CYYR1: variants seen among roughly 807,000 people sequenced by gnomAD.
CYYR1 encodes cysteine and tyrosine-rich protein 1.
Under a neutral mutation model 15.2 loss-of-function variants are expected in CYYR1, and 14 were observed. The ratio of observed to expected loss-of-function variants is 0.92; its 90% CI spans 0.61 to 1.44. CYYR1 has a LOEUF of 1.44. CYYR1 is among the 40% of genes most tolerant of loss of function. The pLI is 0.00. For missense variants in CYYR1, 228 were observed against 209.5 expected, an observed-to-expected ratio of 1.09 and a Z score of -0.54; for synonymous variants, 80 against 77.4, an observed-to-expected ratio of 1.03 and a Z score of -0.18.
chr21:26,488,991 T>A (rs1424711075), intron 2 of CYYR1, among the ~76,000 whole-genome samples: 1 of 152,160 alleles, frequency 6.6e-6, no homozygotes, highest in Non-Finnish European at 1.5e-5. Context: ...TCTTACCTAA[T>A]ACAATTCCTT....
intron 2 of CYYR1, among the ~76,000 whole-genome samples, chr21:26,536,809 C>G (rs1217419348): frequency 6.6e-6 from 1 of 152,158 alleles, no homozygotes; most frequent in African/African-American, 2.4e-5. Context: ...CATTCTCCCC[C>G]ACCAAGCGAC....
chr21:26,518,126 T>C (rs192308392), intron 2 of CYYR1, among the ~76,000 whole-genome samples: 5 of 152,310 alleles, frequency 3.3e-5, no homozygotes, highest in Non-Finnish European at 5.9e-5. Flanking sequence ...CCTGAGGATT[T>C]GGGAAGGCAA....
chr21:26,560,723 T>C (rs1980137221), intron 2 of CYYR1, among the ~76,000 whole-genome samples: 1 of 152,134 alleles, frequency 6.6e-6, no homozygotes, highest in African/African-American at 2.4e-5. Context: ...AATCTAAAGT[T>C]GGAATAAAAG....
At chr21:26,548,602 G>A (rs1320413766) in intron 2 of CYYR1, among the ~76,000 whole-genome samples, 1 of 152,166 alleles carries the variant, frequency 6.6e-6, no homozygotes, top group Non-Finnish European at 1.5e-5. Flanking sequence ...TCCCACCTCA[G>A]CATCCCAAAG....
At chr21:26,554,210 C>T (rs944617645) in intron 2 of CYYR1, among the ~76,000 whole-genome samples, 1 of 152,214 alleles carries the variant, frequency 6.6e-6, no homozygotes, top group Non-Finnish European at 1.5e-5. Flanking sequence ...CCAAAAGAGC[C>T]GGCAGTTAGA....
chr21:26,539,548 G>GCCA (rs1381924545), intron 2 of CYYR1, among the ~76,000 whole-genome samples: 1 of 152,174 alleles, frequency 6.6e-6, no homozygotes, highest in Non-Finnish European at 1.5e-5. Context: ...CCATACTGTA[G>GCCA]TTTTCATTCC....
At chr21:26,549,757 C>T (rs753583393) in intron 2 of CYYR1, among the ~76,000 whole-genome samples, 1 of 152,126 alleles carries the variant, frequency 6.6e-6, no homozygotes, top group Non-Finnish European at 1.5e-5. Context: ...TTTAGAATTA[C>T]AGTAAAGTCA....
chr21:26,506,258 C>T (rs222972), intron 2 of CYYR1, among the ~76,000 whole-genome samples: 44,396 of 151,992 alleles, frequency 0.29, 7,609 homozygotes, highest in African/African-American at 0.48. Flanking sequence ...TTCTAGGTCA[C>T]CACGCCTCTA....
intron 1 of CYYR1, among the ~76,000 whole-genome samples, chr21:26,570,291 G>A (rs1239929325): frequency 1.3e-5 from 2 of 152,124 alleles, no homozygotes; most frequent in African/African-American, 4.8e-5. Context: ...TCTGGAAGAA[G>A]GTTCCCCAAC....
At chr21:26,490,096 A>C (rs947057716) in intron 2 of CYYR1, among the ~76,000 whole-genome samples, 1 of 152,126 alleles carries the variant, frequency 6.6e-6, no homozygotes, top group African/African-American at 2.4e-5. Context: ...TTGAGCCAGG[A>C]GTTCAACACA....
At chr21:26,526,569 A>AATATGAT (rs1167417242) in intron 2 of CYYR1, among the ~76,000 whole-genome samples, 2 of 152,238 alleles carry the variant, frequency 1.3e-5, no homozygotes, top group Non-Finnish European at 2.9e-5. Flanking sequence ...CAACCATTTG[A>AATATGAT]ATTATTTTAT....
chr21:26,550,562 T>C (rs1440403302), intron 2 of CYYR1: 2 of 152,298 alleles, frequency 1.3e-5, no homozygotes, highest in African/African-American at 4.8e-5. Flanking sequence ...TTAAAAGTGC[T>C]GCTCCAGTGA....
At chr21:26,511,195 T>C (rs1005966838) in intron 2 of CYYR1, among the ~76,000 whole-genome samples, 2 of 152,216 alleles carry the variant, frequency 1.3e-5, no homozygotes, top group Non-Finnish European at 2.9e-5. Flanking sequence ...TCACCCATTA[T>C]TTTAGATTGG....
chr21:26,567,371 G>A (rs1338166507), intron 1 of CYYR1, among the ~76,000 whole-genome samples: 1 of 152,152 alleles, frequency 6.6e-6, no homozygotes, highest in African/African-American at 2.4e-5. Flanking sequence ...TGTGAAGGGG[G>A]AAGAGTTATT....
At chr21:26,487,709 C>T (rs991033488) in intron 2 of CYYR1, among the ~76,000 whole-genome samples, 5 of 151,842 alleles carry the variant, frequency 3.3e-5, no homozygotes, top group South Asian at 2.1e-4. Context: ...TTATATTAAT[C>T]GTAGGATCTC....
intron 3 of CYYR1, among the ~76,000 whole-genome samples, chr21:26,469,767 T>C (rs1480476652): frequency 6.6e-6 from 1 of 152,182 alleles, no homozygotes; most frequent in Non-Finnish European, 1.5e-5. Context: ...TTTCTCCCTA[T>C]CCATCCTTTT....
chr21:26,534,473 A>C (rs1368411245), intron 2 of CYYR1, among the ~76,000 whole-genome samples: 2 of 152,108 alleles, frequency 1.3e-5, no homozygotes, highest in African/African-American at 4.8e-5. Context: ...GACTATATCA[A>C]GAGACCAACT....
At chr21:26,547,440 G>A (rs1194240361) in intron 2 of CYYR1, among the ~76,000 whole-genome samples, 2 of 152,142 alleles carry the variant, frequency 1.3e-5, no homozygotes, top group Middle Eastern at 3.2e-3. Context: ...GTGGGCCCAA[G>A]AGACTTTGTC....
chr21:26,542,128 T>C (rs1978588920), intron 2 of CYYR1, among the ~76,000 whole-genome samples: 1 of 148,946 alleles, frequency 6.7e-6, no homozygotes, highest in African/African-American at 2.5e-5. Context: ...AAAGGTACTT[T>C]GAATACAAAA....
Sources: gnomAD v4.1 joint callset for allele counts (sites outside exome capture counted in the v4.1 genomes callset) on GRCh38, gnomAD v4.1.1 for gene constraint, MANE v1.5 for transcripts, NCBI Gene and HGNC (gene_info 2026-07-23, HGNC 2026-07-21) for gene names.